The following P4HA1 variants were observed in gnomAD, a reference collection of about 807,000 sequenced individuals.
P4HA1 encodes the protein prolyl 4-hydroxylase subunit alpha-1.
In P4HA1, 24 loss-of-function variants were observed where a neutral mutation model predicts 72.8. The ratio of observed to expected loss-of-function variants is 0.33; its 90% CI spans 0.24 to 0.46. The LOEUF is 0.46. P4HA1 is among the 20% of genes least tolerant of loss of function. The pLI, the probability that P4HA1 is intolerant of heterozygous loss-of-function variation, is 1.00. For missense variants in P4HA1, 446 were observed against 640.6 expected (o/e 0.70, Z 3.28); for synonymous variants, 201 against 218.8 (o/e 0.92, Z 0.72).
chr10:73,010,687 A>AG (rs962371876), intron 13 of P4HA1, among the ~76,000 whole-genome samples: 11 of 152,012 alleles, frequency 7.2e-5, no homozygotes, highest in African/African-American at 2.7e-4. Flanking sequence ...TGGGCAATAC[A>AG]GGGAGACACT....
At chr10:73,090,248 C>T (rs746469608) in intron 1 of P4HA1, among the ~76,000 whole-genome samples, 10 of 152,182 alleles carry the variant, frequency 6.6e-5, no homozygotes, top group Middle Eastern at 3.2e-3. Flanking sequence ...CCTCCTGCCT[C>T]GGCCTCCCAA....
In P4HA1 at chr10:73,072,157, A is replaced by G; in HGVS notation, c.197T>C (p.Leu66Pro). The G allele has an allele frequency of 6.2e-7, 1 of 1,612,646 alleles. No individual in the cohort carries two copies. Reference sequence around the variant, plus strand: ...TGGATCTTTTGTCGCTGTACTAGTTAGCCGATCTAACTTCTCTGCCCATCT... The same window carrying G: ...TGGATCTTTTGTCGCTGTACTAGTTGGCCGATCTAACTTCTCTGCCCATCT... ...IKKWAEKLDR[L>P]TSTATKDPEG... The change falls in exon 4 of 15, where the codon CTA becomes CCA. Residue 66 changes from leucine (L) to proline (P), a missense_variant. Transcript: ENST00000394890.
intron 9 of P4HA1, chr10:73,043,757 A>G: frequency 2.7e-6 from 2 of 742,820 alleles, no homozygotes; most frequent in East Asian, 2.6e-5. Context: ...AAACTCCAGC[A>G]CAGATATTAT....
chr10:73,060,415 C>T (rs1841287018), intron 5 of P4HA1, among the ~76,000 whole-genome samples: 1 of 152,150 alleles, frequency 6.6e-6, no homozygotes, highest in South Asian at 2.1e-4. Context: ...CTGTTCAAAG[C>T]AATCAAGCCT....
At chr10:73,032,666 A>G (rs1840457962) in intron 9 of P4HA1, among the ~76,000 whole-genome samples, 1 of 152,216 alleles carries the variant, frequency 6.6e-6, no homozygotes, top group Non-Finnish European at 1.5e-5. Context: ...TTGCAAAATT[A>G]AGACTCTGGA....
At position 73,038,837 on chromosome 10, in the gene P4HA1, G is replaced by A. The variant is rs937170055; in HGVS notation, c.1148+6144C>T. ...GAGACGAGGTTTCACCGTTTTAGCC[G>A]GGATGGTCTCGATCTCCTGACCTCG... On this transcript the variant is annotated intron_variant, in intron 9 of 14. Transcript: ENST00000394890. Among the ~76,000 whole-genome samples, 5 of 112,062 alleles carry A rather than the reference G, an allele frequency of 4.5e-5. 1 individual carries two copies. In the East Asian group the frequency reaches 1.1e-3, roughly 24 times the overall value. 73.5% of individuals were successfully genotyped at this position (112,062 alleles called of 152,430 possible).
In P4HA1 at chr10:73,008,176, A is replaced by G. The variant is rs763462954; in HGVS notation, c.*46T>C. On this transcript the variant is annotated 3_prime_UTR_variant, in exon 15 of 15. Coordinates refer to ENST00000394890, the MANE Select transcript of P4HA1 (RefSeq NM_001017962.3). Reference sequence around the variant, plus strand: ...GTTAAGACTAGGAAATGTGTATATCAGACACATAAGAGTACAACAATAGGA... The same window carrying G: ...GTTAAGACTAGGAAATGTGTATATCGGACACATAAGAGTACAACAATAGGA... 6.4e-5 allele frequency: 73 copies of G among 1,143,566 alleles called. No individual in the cohort carries two copies. In the Admixed American group the frequency reaches 1.3e-3, roughly 20 times the overall value. 70.8% of individuals were successfully genotyped at this position (1,143,566 alleles called of 1,614,324 possible).
chr10:73,074,958 C>A (rs1841662652), intron 1 of P4HA1, 43 bp from the exon 2 acceptor site: 6 of 705,882 alleles, frequency 8.5e-6, no homozygotes, highest in Non-Finnish European at 1.5e-5. Context: ...TTAAAAAATA[C>A]AAAGAGAAGG....
intron 1 of P4HA1, among the ~76,000 whole-genome samples, chr10:73,091,550 T>C (rs1589634722): frequency 6.6e-6 from 1 of 152,220 alleles, no homozygotes; most frequent in South Asian, 2.1e-4. Context: ...GTAAGAGAAG[T>C]CTTGAGCCTA....
chr10:73,028,077 G>A (rs1840333208), intron 10 of P4HA1, among the ~76,000 whole-genome samples: 1 of 152,162 alleles, frequency 6.6e-6, no homozygotes, highest in Admixed American at 6.5e-5. Flanking sequence ...GTGCATCACA[G>A]GGGAGGGCAC....
intron 8 of P4HA1, among the ~76,000 whole-genome samples, chr10:73,045,465 T>A (rs1432849354): frequency 6.6e-6 from 1 of 152,242 alleles, no homozygotes; most frequent in Non-Finnish European, 1.5e-5. Flanking sequence ...CCTTTGACTT[T>A]AATTTTTTTT....
intron 7 of P4HA1, among the ~76,000 whole-genome samples, chr10:73,050,699 CAA>C (rs11389497): frequency 3.2e-4 from 34 of 106,246 alleles, no homozygotes; most frequent in East Asian, 1.8e-3. Flanking sequence ...GACTCCATCT[CAA>C]AAAAAAAAAA....
At chr10:73,074,767 A>G in intron 2 of P4HA1, 41 bp downstream of exon 2, 3 of 1,068,708 alleles carry the variant, frequency 2.8e-6, no homozygotes, top group Non-Finnish European at 4.3e-6. Flanking sequence ...GGAAATTAAA[A>G]AATGCAAAAC....
intron 11 of P4HA1, 127 bp downstream of exon 11, chr10:73,016,719 G>T (rs1055306053): frequency 1.8e-6 from 1 of 558,722 alleles, no homozygotes; most frequent in Non-Finnish European, 3.2e-6. Context: ...AGAGGTTGCA[G>T]TGAGCCAAGA....
chr10:73,070,970 C>G (rs559722755), intron 4 of P4HA1, among the ~76,000 whole-genome samples: 3 of 152,120 alleles, frequency 2.0e-5, no homozygotes, highest in African/African-American at 7.2e-5. Flanking sequence ...TCACATGAGG[C>G]CAAGAATTTG....
chr10:73,048,501 G>A (rs866226189), intron 7 of P4HA1, among the ~76,000 whole-genome samples: 1 of 152,090 alleles, frequency 6.6e-6, no homozygotes, highest in Non-Finnish European at 1.5e-5. Flanking sequence ...CTGACCTCAG[G>A]TGATCCACCC....
chr10:73,089,964 G>A (rs969443800), intron 1 of P4HA1, among the ~76,000 whole-genome samples: 1 of 152,136 alleles, frequency 6.6e-6, no homozygotes, highest in Non-Finnish European at 1.5e-5. Flanking sequence ...AGTCTCCCAA[G>A]TAGCGGGGAC....
chr10:73,095,812 T>C (rs900747127), intron 1 of P4HA1, among the ~76,000 whole-genome samples: 5 of 152,236 alleles, frequency 3.3e-5, no homozygotes, highest in Non-Finnish European at 5.9e-5. Context: ...ACGCGTAAGA[T>C]GTTAGTGTCT....
Position 73,014,296 on chromosome 10 carries a change from A to T in P4HA1, c.1303-7T>A, listed in dbSNP as rs751758150. 1 of 1,604,008 alleles carries T rather than the reference A, an allele frequency of 6.2e-7. No individual in the cohort carries two copies. The highest frequency in any genetic ancestry group is 8.5e-7 in the Non-Finnish European group (1 of 1,171,004). On this transcript the variant is annotated splice_region_variant and splice_polypyrimidine_tract_variant and intron_variant, in intron 11 of 14. Transcript: ENST00000394890. Reference sequence around the variant, plus strand: ...AAGCATCTGGCTCATCTTTCTGTGAATAAAAACACAGTAAATTCAATGGTG... The same window carrying T: ...AAGCATCTGGCTCATCTTTCTGTGATTAAAAACACAGTAAATTCAATGGTG...
Sources: gnomAD v4.1 joint callset for allele counts (sites outside exome capture counted in the v4.1 genomes callset) on GRCh38, gnomAD v4.1.1 for gene constraint, MANE v1.5 for transcripts, NCBI Gene and HGNC (gene_info 2026-07-23, HGNC 2026-07-21) for gene names.